Variants in HDAC9 observed in about 807,000 individuals in gnomAD.
The protein encoded by HDAC9 is MEF-2 interacting transcription repressor (MITR) protein.
Under a neutral mutation model 139.4 loss-of-function variants are expected in HDAC9, and 41 were observed. The observed-to-expected ratio is 0.29, with a 90% CI of 0.23 to 0.38. The LOEUF (loss-of-function observed/expected upper bound fraction) is 0.38, where lower values mean the gene tolerates loss of function less well. Among genes scored for constraint, HDAC9 ranks in the 10% least tolerant of loss-of-function variants. The pLI, the probability that HDAC9 is intolerant of heterozygous loss-of-function variation, is 1.00. For missense variants in HDAC9, 1,147 were observed against 1,297.0 expected, an observed-to-expected ratio of 0.88 and a Z score of 1.78; for synonymous variants, 517 against 476.2, an observed-to-expected ratio of 1.09 and a Z score of -1.12.
At chr7:18,320,002 C>T (rs1489281779) in intron 1 of HDAC9, among the ~76,000 whole-genome samples, 3 of 152,106 alleles carry the variant, frequency 2.0e-5, no homozygotes, top group Non-Finnish European at 4.4e-5. Flanking sequence ...TAACAATTCA[C>T]AAGGGGTGGT....
chr7:18,740,688 C>T (rs560081770), intron 13 of HDAC9, among the ~76,000 whole-genome samples: 10 of 152,250 alleles, frequency 6.6e-5, no homozygotes, highest in African/African-American at 2.4e-4. Context: ...CTCCCAATTT[C>T]AATCAAAAGC....
intron 1 of HDAC9, among the ~76,000 whole-genome samples, chr7:18,433,557 A>G (rs1261463985): frequency 6.6e-6 from 1 of 152,182 alleles, no homozygotes; most frequent in Non-Finnish European, 1.5e-5. Flanking sequence ...CTGATAAACA[A>G]CTTCAGCAAA....
chr7:18,844,497 T>C (rs957118223), intron 21 of HDAC9, among the ~76,000 whole-genome samples: 4 of 152,194 alleles, frequency 2.6e-5, no homozygotes, highest in African/African-American at 9.6e-5. Context: ...GAAAATAACA[T>C]GTACACATTA....
chr7:18,416,543 C>G (rs1422126908), intron 1 of HDAC9, among the ~76,000 whole-genome samples: 1 of 151,896 alleles, frequency 6.6e-6, no homozygotes, highest in Non-Finnish European at 1.5e-5. Flanking sequence ...CGTATTTTCT[C>G]TGTGGGAAGG....
chr7:18,607,040 TAACA>T (rs1383240380), intron 6 of HDAC9, among the ~76,000 whole-genome samples: 11 of 152,302 alleles, frequency 7.2e-5, no homozygotes, highest in East Asian at 1.9e-4. Context: ...TACTTTAAAA[TAACA>T]AACATAGTAG....
chr7:18,745,608 G>A lies in HDAC9; in HGVS notation c.1910-3397G>A, dbSNP rs183346932. On this transcript the variant is annotated intron_variant, in intron 13 of 25. Coordinates refer to ENST00000686413, the MANE Select transcript of HDAC9 (RefSeq NM_178425.4). ...AGGCCGGACTGCGGACTGCAGTGGC[G>A]CAATCTCAGCTCACTGCAAGCTCCG... is the stretch of plus-strand genomic sequence containing the variant. Among the ~76,000 whole-genome samples, 456 of 138,938 alleles carry A rather than the reference G, an allele frequency of 3.3e-3. 3 individuals are homozygous for A. The highest frequency in any genetic ancestry group is 0.011 in the African/African-American group (405 of 37,100). 91.1% of individuals were successfully genotyped at this position (138,938 alleles called of 152,430 possible).
intron 1 of HDAC9, among the ~76,000 whole-genome samples, chr7:18,319,537 A>T (rs974290369): frequency 2.0e-5 from 3 of 152,258 alleles, no homozygotes; most frequent in Non-Finnish European, 2.9e-5. Flanking sequence ...CCTAAATTTT[A>T]TGAGTTCCCC....
chr7:18,701,566 C>T (rs564562376), intron 12 of HDAC9, among the ~76,000 whole-genome samples: 11 of 152,244 alleles, frequency 7.2e-5, no homozygotes, highest in African/African-American at 2.2e-4. Flanking sequence ...ATACTACACA[C>T]CCATATGTTG....
At chr7:18,358,151 G>A (rs1348812895) in intron 1 of HDAC9, among the ~76,000 whole-genome samples, 1 of 152,138 alleles carries the variant, frequency 6.6e-6, no homozygotes, top group African/African-American at 2.4e-5. Flanking sequence ...ATGGTGCCAT[G>A]CATTCCAGCC....
At chr7:18,964,186 A>C (rs1337516884) in intron 24 of HDAC9, among the ~76,000 whole-genome samples, 1 of 152,014 alleles carries the variant, frequency 6.6e-6, no homozygotes, top group South Asian at 2.1e-4. Flanking sequence ...TCTACTCTTG[A>C]CCCAACTTAC....
intron 1 of HDAC9, among the ~76,000 whole-genome samples, chr7:18,361,177 A>G (rs1444450737): frequency 6.6e-6 from 1 of 152,166 alleles, no homozygotes; most frequent in East Asian, 1.9e-4. Context: ...CTATACTAAG[A>G]TATTGAAAGT....
At chr7:18,789,506 T>C (rs2129176822) in intron 16 of HDAC9, among the ~76,000 whole-genome samples, 1 of 152,344 alleles carries the variant, frequency 6.6e-6, no homozygotes, top group East Asian at 1.9e-4. Context: ...AGTAGGCCAC[T>C]GTGCTCAGGG....
chr7:18,413,525 A>T (rs1273805130), intron 1 of HDAC9, among the ~76,000 whole-genome samples: 3 of 152,158 alleles, frequency 2.0e-5, no homozygotes, highest in East Asian at 3.8e-4. Flanking sequence ...ACTGTTTATT[A>T]CTACATCAAC....
chr7:18,948,467 A>C (rs569903284), intron 23 of HDAC9, among the ~76,000 whole-genome samples: 14 of 152,262 alleles, frequency 9.2e-5, no homozygotes, highest in Non-Finnish European at 2.1e-4. Flanking sequence ...TGTAGAAAAT[A>C]AAAGTTTAAG....
Position 18,166,306 on chromosome 7 carries a change from A to T in HDAC9, c.25+3957A>T, listed in dbSNP as rs577207621. Among the ~76,000 whole-genome samples the T allele has an allele frequency of 2.0e-5, 3 of 152,244 alleles. No individual in the cohort carries two copies. The East Asian group carries it at 5.8e-4, about 29-fold the overall frequency. On this transcript the variant is annotated intron_variant, in intron 2 of 12. Coordinates refer to the HDAC9 transcript ENST00000417496. ...AAGCTAGCTCATCTCTCTTTTCACC[A>T]TTGTGGGAAGTACTCTACTCATATG...
intron 1 of HDAC9, among the ~76,000 whole-genome samples, chr7:18,342,227 C>T (rs896285015): frequency 8.6e-5 from 13 of 151,754 alleles, no homozygotes; most frequent in African/African-American, 7.3e-5. Flanking sequence ...CTCCTGTGAA[C>T]GCTTTGGTGT....
chr7:18,163,686 C>T (rs894709866), intron 2 of HDAC9, among the ~76,000 whole-genome samples: 3 of 152,032 alleles, frequency 2.0e-5, no homozygotes, highest in Non-Finnish European at 4.4e-5. Context: ...CAATTATAGT[C>T]TAGTACTATT....
intron 24 of HDAC9, among the ~76,000 whole-genome samples, chr7:18,969,401 T>C (rs970449616): frequency 6.6e-6 from 1 of 152,198 alleles, no homozygotes; most frequent in Non-Finnish European, 1.5e-5. Context: ...ACTTTGCTAA[T>C]TGTGAGTAAC....
intron 1 of HDAC9, among the ~76,000 whole-genome samples, chr7:18,299,864 T>A (rs928548119): frequency 2.6e-5 from 4 of 152,220 alleles, no homozygotes; most frequent in Non-Finnish European, 5.9e-5. Flanking sequence ...ACTGTTCCTC[T>A]TCTTGATTCC....
Sources: gnomAD v4.1 joint callset for allele counts (sites outside exome capture counted in the v4.1 genomes callset) on GRCh38, gnomAD v4.1.1 for gene constraint, MANE v1.5 for transcripts, NCBI Gene and HGNC (gene_info 2026-07-23, HGNC 2026-07-21) for gene names.